The following PHKA1 variants were observed in gnomAD, a reference collection of about 807,000 sequenced individuals.
The protein encoded by PHKA1 is phosphorylase kinase regulatory subunit alpha 1, also known as phosphorylase b kinase regulatory subunit alpha, skeletal muscle isoform.
A neutral mutation model predicts 110.2 loss-of-function variants in PHKA1; 60 were observed. The observed-to-expected ratio is 0.54, with a 90% CI of 0.44 to 0.68. The LOEUF (loss-of-function observed/expected upper bound fraction) is 0.68, where lower values mean the gene tolerates loss of function less well. Among genes scored for constraint, PHKA1 ranks in the 30% least tolerant of loss-of-function variants. PHKA1 has a pLI of 0.00. For missense variants in PHKA1, 801 were observed against 942.5 expected, an observed-to-expected ratio of 0.85 and a Z score of 1.97; for synonymous variants, 316 against 333.6, an observed-to-expected ratio of 0.95 and a Z score of 0.58.
intron 4 of PHKA1, among the ~76,000 whole-genome samples, chrX:72,690,858 C>A (rs1330878194): frequency 2.7e-5 from 3 of 111,972 alleles, no homozygotes; most frequent in Non-Finnish European, 5.6e-5. Context: ...ACCTCCGCCT[C>A]CCGGGTTCAA....
Position 72,657,615 on chromosome X carries a change from T to C in PHKA1, c.891A>G (p.Leu297=). 5.8e-6 allele frequency: 7 copies of C among 1,209,393 alleles called. No individual in the cohort carries two copies. The highest frequency in any genetic ancestry group is 6.7e-6 in the Non-Finnish European group (6 of 893,780). ...CTTTAGGAGTTTTATATCCATCTCG[T>C]AGAAAGCGACAGCAACCATAACGAC... ...LQGRYGCCRF[L]RDGYKTPKED... Residue 297 remains leucine, a synonymous_variant, in exon 9 of 32, where the codon CTA becomes CTG. Coordinates refer to ENST00000373542, the MANE Select transcript of PHKA1 (RefSeq NM_002637.4).
In PHKA1 at chrX:72,581,103, T is replaced by C; in HGVS notation, c.3571A>G (p.Ser1191Gly). Residue 1191 changes from serine (S) to glycine (G), a missense_variant, in exon 32 of 32, where the codon AGT (serine) becomes GGT (glycine). Coordinates refer to ENST00000373542, the MANE Select transcript of PHKA1 (RefSeq NM_002637.4). ...ASGICTLLYD[S>G]APSGRFGTMT... ...GTGCCAAACCTGCCACTGGGTGCACTGTCATACAGAAGAGTACAGATGCCA... is the reference window on the plus strand; with the variant it reads ...GTGCCAAACCTGCCACTGGGTGCACCGTCATACAGAAGAGTACAGATGCCA... 1.7e-6 allele frequency: 2 copies of C among 1,196,457 alleles called. No homozygotes were observed. The highest frequency in any genetic ancestry group is 2.3e-6 in the Non-Finnish European group (2 of 881,528).
At chrX:72,622,541 C>T (rs1391872621) in intron 18 of PHKA1, 2 of 750,947 alleles carry the variant, frequency 2.7e-6, no homozygotes, top group African/African-American at 4.6e-5. Flanking sequence ...CATGCCCCTG[C>T]AATGCTTTCT....
chrX:72,579,124 TG>T lies in PHKA1; in HGVS notation c.*1877del, dbSNP rs1276183263. On this transcript the variant is annotated 3_prime_UTR_variant, in exon 32 of 32. Coordinates refer to ENST00000373542, the MANE Select transcript of PHKA1 (RefSeq NM_002637.4). ...GCACTACAGATATACTCCCTGAGAT[TG>T]GGGTACACTTACAACCAGTGAAAAG... is the stretch of plus-strand genomic sequence containing the variant. 8.9e-6 allele frequency: 1 copy of T among 111,963 alleles called. No homozygotes were observed. The highest frequency in any genetic ancestry group is 1.9e-5 in the Non-Finnish European group (1 of 53,243). The allele number at this position is 111,963 out of a possible 1,213,427, so 9.2% of individuals were successfully genotyped here.
Position 72,605,528 on chromosome X carries a change from C to T in PHKA1, c.2685+13G>A. 1 of 1,189,422 alleles carries T rather than the reference C, an allele frequency of 8.4e-7. No individual in the cohort carries two copies. Among genetic ancestry groups the T allele is most frequent in the Non-Finnish European group, 1.1e-6 (1 of 875,130 alleles). ...ATATCAGTCACCAGATTAGCCTTTA[C>T]AATTCTTCTCACCTGTGTAAGGATT... On this transcript the variant is annotated intron_variant, in intron 24 of 31. Coordinates refer to ENST00000373542, the MANE Select transcript of PHKA1 (RefSeq NM_002637.4).
At chrX:72,685,290 A>G (rs782811667) in intron 4 of PHKA1, among the ~76,000 whole-genome samples, 4 of 111,360 alleles carry the variant, frequency 3.6e-5, no homozygotes, top group Non-Finnish European at 7.6e-5. Context: ...TAATATGTAT[A>G]ATATGATCCA....
chrX:72,662,607 A>G (rs1176979233), intron 8 of PHKA1, among the ~76,000 whole-genome samples: 1 of 111,819 alleles, frequency 8.9e-6, no homozygotes, highest in East Asian at 2.8e-4. Flanking sequence ...TCTCTGAACC[A>G]GCTGACCTGC....
chrX:72,585,590 C>T (rs1007407336), intron 29 of PHKA1, among the ~76,000 whole-genome samples: 10 of 111,636 alleles, frequency 9.0e-5, no homozygotes, highest in Admixed American at 2.8e-4. Context: ...GTGCAGCCCA[C>T]GGAGGGCAAG....
At chrX:72,643,930 T>C (rs2053327958) in intron 14 of PHKA1, among the ~76,000 whole-genome samples, 1 of 111,820 alleles carries the variant, frequency 8.9e-6, no homozygotes, top group African/African-American at 3.2e-5. Context: ...AAAAAATAAG[T>C]ACTAATTAAA....
intron 6 of PHKA1, among the ~76,000 whole-genome samples, chrX:72,671,986 A>G (rs1556309404): frequency 8.9e-6 from 1 of 112,414 alleles, no homozygotes; most frequent in East Asian, 2.8e-4. Flanking sequence ...TAAAAACCCT[A>G]GAAGAAAACC....
At chrX:72,663,351 ATGAAACAAGCCTATAGGAC>A (rs2053582358) in intron 8 of PHKA1, among the ~76,000 whole-genome samples, 1 of 111,223 alleles carries the variant, frequency 9.0e-6, no homozygotes, top group African/African-American at 3.3e-5. Context: ...ATAAAAAAGA[ATGAAACAAGCCTATAGGAC>A]TTGCAGAACA....
At chrX:72,596,151 C>T (rs1171016999) in intron 28 of PHKA1, among the ~76,000 whole-genome samples, 2 of 111,539 alleles carry the variant, frequency 1.8e-5, no homozygotes, top group East Asian at 2.8e-4. Context: ...ATGACAGTGT[C>T]GATGAACCTG....
chrX:72,675,565 A>T (rs1251523546), intron 6 of PHKA1, among the ~76,000 whole-genome samples: 5 of 111,303 alleles, frequency 4.5e-5, no homozygotes, highest in Non-Finnish European at 9.4e-5. Context: ...CTGCTATCTT[A>T]TTGTATGTCT....
At chrX:72,705,690 C>T (rs2054274279) in intron 2 of PHKA1, among the ~76,000 whole-genome samples, 1 of 112,170 alleles carries the variant, frequency 8.9e-6, no homozygotes, top group African/African-American at 3.2e-5. Context: ...GACATGTCCT[C>T]TAAAGAATAA....
chrX:72,609,818 C>G, intron 22 of PHKA1, 115 bp from the exon 23 acceptor site: 3 of 552,534 alleles, frequency 5.4e-6, no homozygotes, highest in Non-Finnish European at 9.7e-6. Flanking sequence ...ACACTGAACT[C>G]TCTTCCTCAG....
chrX:72,634,188 C>T (rs995639077), intron 16 of PHKA1, among the ~76,000 whole-genome samples: 4 of 112,004 alleles, frequency 3.6e-5, no homozygotes, highest in African/African-American at 1.3e-4. Flanking sequence ...TCCAATTAGA[C>T]TTTATACTTT....
chrX:72,663,869 G>A (rs1453705274), intron 8 of PHKA1, among the ~76,000 whole-genome samples: 2 of 108,824 alleles, frequency 1.8e-5, no homozygotes, highest in Non-Finnish European at 3.8e-5. Context: ...ACATGCAAAA[G>A]TATAAAACTC....
chrX:72,610,347 G>A (rs782534821), intron 22 of PHKA1, among the ~76,000 whole-genome samples: 2 of 111,209 alleles, frequency 1.8e-5, no homozygotes, highest in East Asian at 2.8e-4. Context: ...TTTTAAGCTC[G>A]CACATATGAG....
chrX:72,587,635 G>A (rs1449025050), intron 29 of PHKA1, among the ~76,000 whole-genome samples: 1 of 111,363 alleles, frequency 9.0e-6, no homozygotes, highest in Non-Finnish European at 1.9e-5. Context: ...GACACAGACT[G>A]GCAAAATGGA....
Sources: allele counts gnomAD v4.1 joint callset (sites outside exome capture counted in the v4.1 genomes callset), GRCh38; gene constraint gnomAD v4.1.1; transcripts MANE v1.5; gene names NCBI Gene and HGNC (gene_info 2026-07-23, HGNC 2026-07-21).